LIN28B: variants seen among roughly 807,000 people sequenced by gnomAD.
LIN28B encodes the protein protein lin-28 homolog B.
Under a neutral mutation model 21.9 loss-of-function variants are expected in LIN28B, and 5 were observed. The ratio of observed to expected loss-of-function variants is 0.23; its 90% CI spans 0.12 to 0.48. The LOEUF is 0.48. Ranked by LOEUF, LIN28B falls within the 20% of genes least tolerant of loss-of-function variation. The pLI is 0.98. For missense variants in LIN28B, 245 were observed against 310.5 expected, an observed-to-expected ratio of 0.79 and a Z score of 1.58; for synonymous variants, 109 against 111.3, an observed-to-expected ratio of 0.98 and a Z score of 0.13.
At chr6:104,942,215 G>GA (rs1426533584) in intron 2 of LIN28B, among the ~76,000 whole-genome samples, 6 of 152,148 alleles carry the variant, frequency 3.9e-5, no homozygotes, top group Admixed American at 3.9e-4. Context: ...CTGTGGAAGT[G>GA]AAAATTACAC....
Position 104,991,027 on chromosome 6 carries a change from C to T in LIN28B, c.198+32741C>T, listed in dbSNP as rs559572296. 5.3e-5 allele frequency among the ~76,000 whole-genome samples: 8 copies of T among 152,358 alleles called. No homozygotes were observed. In the South Asian group the frequency reaches 1.4e-3, roughly 28 times the overall value. ...TCCCCACATTTCCCCGTTTTCTATTCGACAAAACTGCCATCGTCATCATGG... is the reference window on the plus strand; with the variant it reads ...TCCCCACATTTCCCCGTTTTCTATTTGACAAAACTGCCATCGTCATCATGG... On this transcript the variant is annotated intron_variant, in intron 2 of 3. Transcript: ENST00000345080.
chr6:105,044,225 T>A (rs1473978555), intron 3 of LIN28B, among the ~76,000 whole-genome samples: 1 of 152,212 alleles, frequency 6.6e-6, no homozygotes, highest in Non-Finnish European at 1.5e-5. Context: ...AGTTCTTCTG[T>A]TATTTAATGA....
intron 3 of LIN28B, among the ~76,000 whole-genome samples, chr6:105,032,256 C>T (rs1220082187): frequency 2.4e-4 from 37 of 152,222 alleles, no homozygotes; most frequent in Non-Finnish European, 4.0e-4. Flanking sequence ...TGTGAAGATT[C>T]ATTTTCAGTT....
In LIN28B at chr6:105,047,849, G is replaced by A. The variant is rs535014601; in HGVS notation, c.383+21367G>A. Among the ~76,000 whole-genome samples, 3 of 152,284 alleles carry A rather than the reference G, an allele frequency of 2.0e-5. No individual in the cohort carries two copies. The East Asian group carries it at 5.8e-4, about 29-fold the overall frequency. ...GTTATTGGTGTATAAGAATGCTTGT[G>A]ATTTTTGCCCATTGATTTTGTATCC... On this transcript the variant is annotated intron_variant, in intron 3 of 3. Transcript: ENST00000345080.
intron 2 of LIN28B, among the ~76,000 whole-genome samples, chr6:104,996,144 G>T (rs971636655): frequency 3.3e-5 from 5 of 152,138 alleles, no homozygotes; most frequent in African/African-American, 7.2e-5. Flanking sequence ...TATGTTAGGG[G>T]ATTTGCAGAG....
chr6:105,078,847 G>A lies in LIN28B; in HGVS notation c.*64G>A. ...AAAGTCTACCTCATGCAAGTATAGG[G>A]GAACAGTATTTCACAAGCAGTAGCT... On this transcript the variant is annotated 3_prime_UTR_variant, in exon 4 of 4. Coordinates refer to ENST00000345080, the MANE Select transcript of LIN28B (RefSeq NM_001004317.4). 1 of 1,527,986 alleles carries A rather than the reference G, an allele frequency of 6.5e-7. No individual in the cohort carries two copies. The highest frequency in any genetic ancestry group is 8.8e-7 in the Non-Finnish European group (1 of 1,135,210). 94.7% of individuals were successfully genotyped at this position (1,527,986 alleles called of 1,614,324 possible).
chr6:104,966,910 C>T (rs778364528), intron 2 of LIN28B, among the ~76,000 whole-genome samples: 4 of 152,006 alleles, frequency 2.6e-5, no homozygotes, highest in Non-Finnish European at 5.9e-5. Flanking sequence ...CGTGAGCCAC[C>T]GCGCCCAACC....
At chr6:104,994,225 C>T (rs1158275418) in intron 2 of LIN28B, among the ~76,000 whole-genome samples, 7 of 152,032 alleles carry the variant, frequency 4.6e-5, no homozygotes, top group East Asian at 1.9e-4. Context: ...AGGTTGGTCT[C>T]GATCTCCTGA....
chr6:105,012,823 C>T (rs1273036006), intron 2 of LIN28B, among the ~76,000 whole-genome samples: 1 of 152,156 alleles, frequency 6.6e-6, no homozygotes, highest in South Asian at 2.1e-4. Flanking sequence ...ATTTCTCTTG[C>T]ATAAAAGCCT....
At chr6:104,944,134 T>C (rs1478827075) in intron 2 of LIN28B, among the ~76,000 whole-genome samples, 1 of 152,138 alleles carries the variant, frequency 6.6e-6, no homozygotes, top group Non-Finnish European at 1.5e-5. Flanking sequence ...CATAAATTTT[T>C]TTTTTGCTTT....
chr6:104,953,776 G>C (rs1177973114), upstream of LIN28B, among the ~76,000 whole-genome samples: 1 of 152,210 alleles, frequency 6.6e-6, no homozygotes, highest in Non-Finnish European at 1.5e-5. Context: ...GCAGCGCTGG[G>C]CTACAGACCC....
chr6:105,021,921 A>G (rs966000946), intron 2 of LIN28B, among the ~76,000 whole-genome samples: 1 of 152,192 alleles, frequency 6.6e-6, no homozygotes, highest in South Asian at 2.1e-4. Flanking sequence ...CCCGACTGGA[A>G]TAAGATAGAA....
At chr6:104,960,705 T>G (rs1769722956) in intron 2 of LIN28B, among the ~76,000 whole-genome samples, 1 of 152,094 alleles carries the variant, frequency 6.6e-6, no homozygotes, top group Non-Finnish European at 1.5e-5. Flanking sequence ...ACATAAAAAT[T>G]TATGCTGAGG....
At chr6:105,036,005 T>C (rs1771514139) in intron 3 of LIN28B, among the ~76,000 whole-genome samples, 1 of 152,178 alleles carries the variant, frequency 6.6e-6, no homozygotes, top group African/African-American at 2.4e-5. Context: ...AGAAGGTAAA[T>C]TGATTAGGGA....
intron 2 of LIN28B, among the ~76,000 whole-genome samples, chr6:105,004,371 C>T (rs1188272856): frequency 6.6e-6 from 1 of 152,186 alleles, no homozygotes; most frequent in East Asian, 1.9e-4. Flanking sequence ...TTTTATGCGC[C>T]TTTCCTCTCC....
chr6:104,998,821 C>T (rs995826457), intron 2 of LIN28B, among the ~76,000 whole-genome samples: 6 of 152,084 alleles, frequency 3.9e-5, no homozygotes, highest in African/African-American at 1.2e-4. Flanking sequence ...TATGTATGTA[C>T]GGTAAACCAG....
At chr6:105,013,545 C>G (rs1384842158) in intron 2 of LIN28B, among the ~76,000 whole-genome samples, 1 of 151,772 alleles carries the variant, frequency 6.6e-6, no homozygotes, top group East Asian at 1.9e-4. Context: ...CGAGACCAAC[C>G]TGGACAACAT....
chr6:105,054,030 C>G (rs1771974474), intron 3 of LIN28B, among the ~76,000 whole-genome samples: 1 of 124,038 alleles, frequency 8.1e-6, no homozygotes, highest in African/African-American at 2.8e-5. Flanking sequence ...AGGCGTGAGA[C>G]ACTGCACCCA....
At chr6:105,052,557 C>T (rs77319797) in intron 3 of LIN28B, among the ~76,000 whole-genome samples, 2,170 of 152,150 alleles carry the variant, frequency 0.014, 68 homozygotes, top group African/African-American at 0.05. Context: ...CCCCCATGAC[C>T]CAAATACTTC....
Sources: allele counts gnomAD v4.1 joint callset (sites outside exome capture counted in the v4.1 genomes callset), GRCh38; gene constraint gnomAD v4.1.1; transcripts MANE v1.5; gene names NCBI Gene and HGNC (gene_info 2026-07-23, HGNC 2026-07-21).